ITFG1: variants seen among roughly 807,000 people sequenced by gnomAD.
The protein encoded by ITFG1 is integrin alpha FG-GAP repeat containing 1.
ITFG1 carries 34 observed loss-of-function variants against 81.8 expected under a neutral mutation model. That is an observed-to-expected ratio of 0.42 (90% confidence interval 0.32 to 0.55). The LOEUF (loss-of-function observed/expected upper bound fraction) is 0.55, where lower values mean the gene tolerates loss of function less well. Among genes scored for constraint, ITFG1 ranks in the 20% least tolerant of loss-of-function variants. The pLI is 0.17. For missense variants in ITFG1, 672 were observed against 755.4 expected (o/e 0.89, Z 1.29); for synonymous variants, 285 against 270.6 (o/e 1.05, Z -0.52).
rs532659525 is a variant in ITFG1, at chr16:47,223,702, G to A, written c.1375-4756C>T. Among the ~76,000 whole-genome samples the A allele has an allele frequency of 7.5e-3, 1,146 of 152,108 alleles. 17 individuals carry two copies. Among genetic ancestry groups the A allele is most frequent in the African/African-American group, 0.026 (1,064 of 41,458 alleles). On this transcript the variant is annotated intron_variant, in intron 13 of 17. Coordinates refer to ENST00000320640, the MANE Select transcript of ITFG1 (RefSeq NM_030790.5). ...ACTAGAAATACCATTTGACCCAGCC[G>A]TCCCATTACTGGGTATATACCCAAA... is the stretch of plus-strand genomic sequence containing the variant.
chr16:47,262,363 C>A (rs1195402120), intron 10 of ITFG1, among the ~76,000 whole-genome samples: 12 of 152,172 alleles, frequency 7.9e-5, no homozygotes. Context: ...TTTTAAAATT[C>A]TAATTTATAA....
intron 6 of ITFG1, among the ~76,000 whole-genome samples, chr16:47,410,207 A>T (rs1324298603): frequency 1.3e-5 from 2 of 152,180 alleles, no homozygotes; most frequent in African/African-American, 4.8e-5. Context: ...TGAGCCCAGG[A>T]GGTTGAGGCT....
At position 47,299,274 on chromosome 16, in the gene ITFG1, T is replaced by C. The variant is rs536352396; in HGVS notation, c.1070+11966A>G. Among the ~76,000 whole-genome samples the C allele has an allele frequency of 3.9e-5, 6 of 152,302 alleles. No homozygotes were observed. In the South Asian group the frequency reaches 1.2e-3, roughly 32 times the overall value. On this transcript the variant is annotated intron_variant, in intron 10 of 17. Coordinates refer to ENST00000320640, the MANE Select transcript of ITFG1 (RefSeq NM_030790.5). Reference sequence around the variant, plus strand: ...CTGTGCATGTTGATATCCTGGCCAGTAGGCAGTGCGTGCAGGTGAGAGCCA... The same window carrying C: ...CTGTGCATGTTGATATCCTGGCCAGCAGGCAGTGCGTGCAGGTGAGAGCCA...
chr16:47,270,813 G>C (rs1278231309), intron 10 of ITFG1, among the ~76,000 whole-genome samples: 1 of 151,952 alleles, frequency 6.6e-6, no homozygotes, highest in Non-Finnish European at 1.5e-5. Context: ...TAAAGGAACA[G>C]ATATTGTGTG....
At chr16:47,201,301 C>T (rs1267503315) in intron 14 of ITFG1, among the ~76,000 whole-genome samples, 4 of 151,732 alleles carry the variant, frequency 2.6e-5, no homozygotes, top group African/African-American at 4.8e-5. Context: ...CTCCACCTCC[C>T]GGGCTCACGC....
intron 6 of ITFG1, among the ~76,000 whole-genome samples, chr16:47,394,907 T>G (rs891057834): frequency 3.9e-5 from 6 of 152,116 alleles, no homozygotes; most frequent in African/African-American, 1.4e-4. Flanking sequence ...ATGAAAAAAA[T>G]TAGTTCTGTT....
At chr16:47,269,667 C>G (rs1031521046) in intron 10 of ITFG1, among the ~76,000 whole-genome samples, 4 of 152,100 alleles carry the variant, frequency 2.6e-5, no homozygotes, top group Non-Finnish European at 2.9e-5. Context: ...CATTCATAGT[C>G]AGAGGATGCA....
At chr16:47,336,572 A>T (rs1452610610) in intron 8 of ITFG1, among the ~76,000 whole-genome samples, 1 of 152,244 alleles carries the variant, frequency 6.6e-6, no homozygotes, top group Admixed American at 6.5e-5. Flanking sequence ...ACATTACTCA[A>T]AACACTCCAA....
At chr16:47,340,130 G>T (rs768551175) in intron 8 of ITFG1, among the ~76,000 whole-genome samples, 19 of 151,736 alleles carry the variant, frequency 1.3e-4, no homozygotes, top group Non-Finnish European at 2.4e-4. Flanking sequence ...GAACAAAGAA[G>T]AAATGTAAGA....
At chr16:47,181,096 G>A (rs887165366) in intron 14 of ITFG1, among the ~76,000 whole-genome samples, 1 of 150,354 alleles carries the variant, frequency 6.7e-6, no homozygotes, top group Non-Finnish European at 1.5e-5. Context: ...GAAGTGAGGA[G>A]CGTCTCTGCC....
At chr16:47,272,148 A>G (rs1199116388) in intron 10 of ITFG1, among the ~76,000 whole-genome samples, 1 of 152,180 alleles carries the variant, frequency 6.6e-6, no homozygotes, top group East Asian at 1.9e-4. Context: ...AGTCAAATAA[A>G]CCAGTCATAA....
At chr16:47,418,041 T>G (rs1968895634) in intron 6 of ITFG1, among the ~76,000 whole-genome samples, 1 of 152,124 alleles carries the variant, frequency 6.6e-6, no homozygotes, top group Admixed American at 6.5e-5. Flanking sequence ...AGGATTTGTT[T>G]GAGATTTTTT....
chr16:47,337,500 G>A (rs1596907433), intron 8 of ITFG1, among the ~76,000 whole-genome samples: 1 of 152,168 alleles, frequency 6.6e-6, no homozygotes, highest in African/African-American at 2.4e-5. Flanking sequence ...AAACCGGGAG[G>A]TGGAGGTTGC....
chr16:47,318,102 C>T (rs1487743531), intron 8 of ITFG1, among the ~76,000 whole-genome samples: 1 of 151,884 alleles, frequency 6.6e-6, no homozygotes, highest in African/African-American at 2.4e-5. Flanking sequence ...ATCAGGCACG[C>T]AATCTTAAGA....
intron 9 of ITFG1, among the ~76,000 whole-genome samples, chr16:47,313,300 T>C (rs1967296819): frequency 6.6e-6 from 1 of 152,198 alleles, no homozygotes; most frequent in Non-Finnish European, 1.5e-5. Flanking sequence ...AATCCTCCAC[T>C]GTGACTGTCA....
chr16:47,258,719 G>T lies in ITFG1; in HGVS notation c.1243C>A (p.Leu415Ile). 3 of 1,524,226 alleles carry T rather than the reference G, an allele frequency of 2.0e-6. No homozygotes were observed. Among genetic ancestry groups the T allele is most frequent in the Non-Finnish European group, 2.7e-6 (3 of 1,126,458 alleles). 94.4% of individuals were successfully genotyped at this position (1,524,226 alleles called of 1,614,324 possible). Residue 415 changes from leucine to isoleucine, a missense_variant, in exon 12 of 18, where the codon CTA (leucine) becomes ATA (isoleucine). Leu to Ile is a conservative substitution (Grantham distance 5, BLOSUM62 2). This residue lies in a region of ITFG1 where 560 missense variants were observed against 625.7 expected (regional missense o/e 0.90). Transcript: ENST00000320640. ...YEDGILDIVV[L>I]SKGYTKNDFA... ...TCATTCTTTGTATATCCTTTACTTA[G>T]CACTACAATGTCCAAGATTCCCTGG...
chr16:47,329,713 C>G (rs193247966), intron 8 of ITFG1, among the ~76,000 whole-genome samples: 2 of 152,018 alleles, frequency 1.3e-5, no homozygotes, highest in African/African-American at 4.8e-5. Flanking sequence ...TGTTATTATC[C>G]TATATTATGA....
intron 8 of ITFG1, among the ~76,000 whole-genome samples, chr16:47,322,137 A>G (rs1967457737): frequency 1.3e-5 from 2 of 152,222 alleles, no homozygotes; most frequent in Admixed American, 6.5e-5. Context: ...TCTACAAAGT[A>G]CTAGTGCCTT....
chr16:47,174,802 G>A (rs988122272), intron 14 of ITFG1, among the ~76,000 whole-genome samples: 1 of 152,218 alleles, frequency 6.6e-6, no homozygotes, highest in African/African-American at 2.4e-5. Flanking sequence ...TTACAGGCAT[G>A]AGCCACCGCG....
Sources: gnomAD v4.1 joint callset for allele counts (sites outside exome capture counted in the v4.1 genomes callset) on GRCh38, gnomAD v4.1.1 for gene constraint, gnomAD v4.1.1 regional missense constraint, MANE v1.5 for transcripts, NCBI Gene and HGNC (gene_info 2026-07-23, HGNC 2026-07-21) for gene names.